Variants in DEPDC1B observed in about 807,000 individuals in gnomAD.
DEPDC1B encodes DEP domain-containing protein 1B.
A neutral mutation model predicts 66.5 loss-of-function variants in DEPDC1B; 51 were observed. The observed-to-expected ratio is 0.77, with a 90% CI of 0.61 to 0.97. The LOEUF (loss-of-function observed/expected upper bound fraction) is 0.97. Ranked by LOEUF, DEPDC1B falls within the 50% of genes least tolerant of loss-of-function variation. The pLI is 0.00. For missense variants in DEPDC1B, 552 were observed against 637.1 expected (o/e 0.87, Z 1.44); for synonymous variants, 226 against 223.6 (o/e 1.01, Z -0.10).
At chr5:60,645,757 A>G in intron 3 of DEPDC1B, 138 bp from the exon 4 acceptor site, 13 of 890,026 alleles carry the variant, frequency 1.5e-5, no homozygotes, top group Admixed American at 3.5e-5. Context: ...TTAAAATAAT[A>G]ATTAGAAATA....
chr5:60,639,536 A>C (rs1368823290), intron 6 of DEPDC1B, among the ~76,000 whole-genome samples: 1 of 152,222 alleles, frequency 6.6e-6, no homozygotes, highest in Non-Finnish European at 1.5e-5. Context: ...TTTATCAAGC[A>C]AAGTCATACT....
chr5:60,700,072 GC>G lies in DEPDC1B; in HGVS notation c.21del (p.Pro10ArgfsTer48). On this transcript the variant is annotated frameshift_variant, in exon 1 of 11. Transcript: ENST00000265036. LOFTEE classifies it high-confidence loss of function. MEHRIV[G>X]PGPYRATRLW... ...AGCCTGGTAGCTCGGTACGGCCCGG[GC>G]CCCACGATGCGATGCTCCATGGCGC... 1.3e-6 allele frequency: 2 copies of G among 1,557,422 alleles called. No homozygotes were observed. The highest frequency in any genetic ancestry group is 2.4e-5 in the East Asian group (1 of 41,550).
intron 2 of DEPDC1B, among the ~76,000 whole-genome samples, chr5:60,679,503 A>C (rs572729115): frequency 6.6e-6 from 1 of 152,338 alleles, no homozygotes; most frequent in Admixed American, 6.5e-5. Context: ...GAAAAAGAGA[A>C]GTTGAAACAT....
intron 7 of DEPDC1B, among the ~76,000 whole-genome samples, chr5:60,611,836 G>A (rs1391664020): frequency 6.6e-6 from 1 of 152,208 alleles, no homozygotes; most frequent in Non-Finnish European, 1.5e-5. Flanking sequence ...AAAAGTGCAA[G>A]GTGAAGCAGC....
chr5:60,694,848 T>C (rs1293005266), intron 1 of DEPDC1B, among the ~76,000 whole-genome samples: 3 of 152,228 alleles, frequency 2.0e-5, no homozygotes, highest in Non-Finnish European at 2.9e-5. Flanking sequence ...CTGATGAATA[T>C]AGAATATTAA....
intron 1 of DEPDC1B, among the ~76,000 whole-genome samples, 197 bp downstream of exon 1, chr5:60,699,849 C>A (rs1285859345): frequency 6.6e-6 from 1 of 152,238 alleles, no homozygotes; most frequent in Non-Finnish European, 1.5e-5. Flanking sequence ...AACCCCCGGC[C>A]GGCTGAGCTC....
intron 2 of DEPDC1B, among the ~76,000 whole-genome samples, chr5:60,657,393 CTG>C (rs958461394): frequency 2.0e-5 from 3 of 151,946 alleles, no homozygotes; most frequent in South Asian, 4.1e-4. Context: ...TTTATAGGTC[CTG>C]TGAGATTTAT....
chr5:60,618,440 A>T (rs1011964893), intron 7 of DEPDC1B, among the ~76,000 whole-genome samples: 9 of 152,248 alleles, frequency 5.9e-5, no homozygotes, highest in African/African-American at 1.9e-4. Context: ...ATGCAATAAA[A>T]AATGATAAAG....
intron 7 of DEPDC1B, among the ~76,000 whole-genome samples, chr5:60,632,358 C>A (rs979700807): frequency 2.6e-5 from 4 of 152,210 alleles, no homozygotes; most frequent in African/African-American, 9.6e-5. Flanking sequence ...CACAGGCACG[C>A]TGGGGAAAGG....
chr5:60,687,741 G>T lies in DEPDC1B; in HGVS notation c.49-514C>A, dbSNP rs892718641. ...GAGTTTCACCATGTTGGTCAGGGTG[G>T]TCTCGAACTCTTGATCTCAAGTGAT... On this transcript the variant is annotated intron_variant, in intron 1 of 10. Coordinates refer to ENST00000265036, the MANE Select transcript of DEPDC1B (RefSeq NM_018369.3). The T allele has an allele frequency of 1.2e-4, 22 of 183,506 alleles. No homozygotes were observed. The Admixed American group carries it at 1.3e-3, about 11-fold the overall frequency. 11.4% of individuals were successfully genotyped at this position (183,506 alleles called of 1,614,324 possible). A position where few individuals can be genotyped will look rare whatever the true frequency, so the allele number is the denominator to read the frequency against.
intron 2 of DEPDC1B, among the ~76,000 whole-genome samples, chr5:60,682,343 C>T (rs1754314147): frequency 1.3e-5 from 2 of 152,128 alleles, no homozygotes; most frequent in Non-Finnish European, 2.9e-5. Context: ...GGAAGGGGAC[C>T]ATCACACACT....
intron 2 of DEPDC1B, among the ~76,000 whole-genome samples, chr5:60,669,604 C>T (rs1254211461): frequency 6.6e-6 from 1 of 152,136 alleles, no homozygotes; most frequent in Non-Finnish European, 1.5e-5. Flanking sequence ...TGCTGAAAAA[C>T]TGCTAATGAT....
Position 60,647,453 on chromosome 5 carries a change from T to C in DEPDC1B, c.395A>G (p.Asn132Ser), listed in dbSNP as rs769627242. ...QKDVIKFPEWNDLPPGTSQEN... is the reference protein window; with the variant it reads ...QKDVIKFPEWSDLPPGTSQEN... The stretch of plus-strand genomic sequence containing the variant: ...TTGTGAAGTGCCTGGTGGGAGATCA[T>C]TCCATTCTGGAAATTTAATAACATC... The change falls in exon 3 of 11, where the codon AAT (asparagine) becomes AGT (serine). Residue 132 changes from asparagine to serine, a missense_variant. Coordinates refer to ENST00000265036, the MANE Select transcript of DEPDC1B (RefSeq NM_018369.3). 9.3e-6 allele frequency: 15 copies of C among 1,613,052 alleles called. No individual in the cohort carries two copies. In the South Asian group the frequency reaches 1.6e-4, roughly 18 times the overall value.
chr5:60,613,631 T>C (rs937750206), intron 7 of DEPDC1B, among the ~76,000 whole-genome samples: 12 of 152,166 alleles, frequency 7.9e-5, no homozygotes, highest in African/African-American at 2.7e-4. Context: ...CTCAGGAATA[T>C]TAAAATATAA....
At chr5:60,641,049 T>C (rs1753178962) in intron 6 of DEPDC1B, among the ~76,000 whole-genome samples, 1 of 152,142 alleles carries the variant, frequency 6.6e-6, no homozygotes, top group Non-Finnish European at 1.5e-5. Context: ...TGAGACAAGT[T>C]CCCTTTTCCC....
intron 1 of DEPDC1B, chr5:60,687,781 C>A: frequency 4.9e-6 from 1 of 204,282 alleles, no homozygotes; most frequent in Non-Finnish European, 1.0e-5. Flanking sequence ...CCGCCTCAGC[C>A]TCCCAAAGTG....
intron 7 of DEPDC1B, among the ~76,000 whole-genome samples, chr5:60,611,572 G>T (rs979150701): frequency 2.0e-5 from 3 of 152,226 alleles, no homozygotes; most frequent in African/African-American, 7.2e-5. Context: ...AGAGACTAAA[G>T]TGCCACTCCA....
At chr5:60,681,617 C>T (rs1420112767) in intron 2 of DEPDC1B, among the ~76,000 whole-genome samples, 1 of 152,066 alleles carries the variant, frequency 6.6e-6, no homozygotes, top group Non-Finnish European at 1.5e-5. Flanking sequence ...AACATGAAAC[C>T]TCCAAAGAGA....
At chr5:60,656,394 C>T (rs1029945033) in intron 2 of DEPDC1B, among the ~76,000 whole-genome samples, 9 of 152,136 alleles carry the variant, frequency 5.9e-5, no homozygotes, top group East Asian at 1.9e-4. Flanking sequence ...GTGATCTACC[C>T]GCCTCGGCCT....
Sources: allele counts gnomAD v4.1 joint callset (sites outside exome capture counted in the v4.1 genomes callset), GRCh38; gene constraint gnomAD v4.1.1; transcripts MANE v1.5; gene names NCBI Gene and HGNC (gene_info 2026-07-23, HGNC 2026-07-21).